NSUN6: variants seen among roughly 807,000 people sequenced by gnomAD.
NSUN6 encodes NOP2/Sun RNA methyltransferase 6.
NSUN6 carries 64 observed loss-of-function variants against 58.0 expected under a neutral mutation model. That is an observed-to-expected ratio of 1.10 (90% CI 0.90 to 1.36). The LOEUF is 1.36. Ranked by LOEUF, NSUN6 falls within the 40% of genes most tolerant of loss-of-function variation. The pLI is 0.00. For synonymous variants in NSUN6, 231 were observed against 193.9 expected (o/e 1.19, Z -1.59); for missense variants, 701 against 550.1 (o/e 1.27, Z -2.74).
At chr10:18,658,702 G>C (rs1301119093), upstream of NSUN6, 1 of 970,658 alleles carries the variant, frequency 1.0e-6, no homozygotes, top group African/African-American at 1.8e-5. Context: ...ATTCTTTTCA[G>C]AACTAAGAAT....
chr10:18,625,018 G>C (rs1387290802), intron 3 of NSUN6, among the ~76,000 whole-genome samples: 1 of 152,188 alleles, frequency 6.6e-6, no homozygotes. Context: ...CCAAGCCTCT[G>C]ATGAGCTTTT....
chr10:18,560,042 A>C (rs896900681), intron 8 of NSUN6, among the ~76,000 whole-genome samples: 1 of 150,490 alleles, frequency 6.6e-6, no homozygotes, highest in African/African-American at 2.4e-5. Context: ...TTGAGCTGGA[A>C]TGGAGAATGG....
At chr10:18,595,419 T>G (rs1346075850) in intron 7 of NSUN6, among the ~76,000 whole-genome samples, 1 of 152,260 alleles carries the variant, frequency 6.6e-6, no homozygotes, top group African/African-American at 2.4e-5. Flanking sequence ...GAATTAACAC[T>G]TTCTCAAAGC....
intron 8 of NSUN6, among the ~76,000 whole-genome samples, chr10:18,557,811 GA>G (rs1177222790): frequency 1.3e-5 from 2 of 151,358 alleles, no homozygotes; most frequent in African/African-American, 4.9e-5. Flanking sequence ...GAATGGAATG[GA>G]AAATGGTATG....
chr10:18,643,465 T>C (rs1190187037), intron 2 of NSUN6, among the ~76,000 whole-genome samples: 1 of 152,124 alleles, frequency 6.6e-6, no homozygotes, highest in African/African-American at 2.4e-5. Flanking sequence ...ACAGGATTCA[T>C]ACACTATCTA....
chr10:18,651,107 C>T, intron 1 of NSUN6, 22 bp downstream of exon 1: 2 of 1,571,552 alleles, frequency 1.3e-6, no homozygotes, highest in Non-Finnish European at 1.7e-6. Flanking sequence ...AAAATATCAA[C>T]TAACATCTTT....
chr10:18,633,157 CA>C (rs1208191051), intron 3 of NSUN6, among the ~76,000 whole-genome samples: 1 of 150,808 alleles, frequency 6.6e-6, no homozygotes, highest in Non-Finnish European at 1.5e-5. Flanking sequence ...ATGGCAAGAA[CA>C]AAAAACCAAA....
upstream of NSUN6, chr10:18,651,660 G>T (rs531370490): frequency 4.1e-6 from 4 of 985,974 alleles, no homozygotes; most frequent in South Asian, 1.9e-4. Context: ...GGCGCCTGCG[G>T]CCCACCCCTC....
chr10:18,616,105 A>G, intron 4 of NSUN6, 79 bp downstream of exon 4: 1 of 865,574 alleles, frequency 1.2e-6, no homozygotes, highest in Non-Finnish European at 1.9e-6. Context: ...TATCTTAGTG[A>G]CAAATCAATA....
intron 8 of NSUN6, among the ~76,000 whole-genome samples, chr10:18,568,554 TCTC>T (rs1267103652): frequency 6.7e-6 from 1 of 149,784 alleles, no homozygotes; most frequent in Non-Finnish European, 1.5e-5. Context: ...TCCAATCCAT[TCTC>T]CTTTCCATTC....
chr10:18,651,969 G>T, upstream of NSUN6: 1 of 985,426 alleles, frequency 1.0e-6, no homozygotes, highest in Non-Finnish European at 1.2e-6. Context: ...GATGAGGCCA[G>T]AATTTGGGCG....
intron 5 of NSUN6, among the ~76,000 whole-genome samples, chr10:18,612,953 T>A (rs905402719): frequency 2.0e-5 from 3 of 152,182 alleles, no homozygotes; most frequent in Non-Finnish European, 4.4e-5. Context: ...AATTGTACCA[T>A]TAGTTGTGTT....
At chr10:18,556,312 G>GGAGAATGGAACGGAATA (rs1554850415) in intron 8 of NSUN6, among the ~76,000 whole-genome samples, 1 of 149,826 alleles carries the variant, frequency 6.7e-6, no homozygotes, top group African/African-American at 2.5e-5. Flanking sequence ...GGAATGCAAT[G>GGAGAATGGAACGGAATA]GAGAATGGAA....
At chr10:18,585,760 T>G (rs2057103431) in intron 8 of NSUN6, among the ~76,000 whole-genome samples, 189 bp downstream of exon 8, 1 of 150,986 alleles carries the variant, frequency 6.6e-6, no homozygotes, top group African/African-American at 2.4e-5. Flanking sequence ...TAATGTATTT[T>G]GTGTTTCAAA....
At chr10:18,639,031 G>C (rs1367519500) in intron 3 of NSUN6, among the ~76,000 whole-genome samples, 1 of 150,506 alleles carries the variant, frequency 6.6e-6, no homozygotes, top group Admixed American at 6.6e-5. Flanking sequence ...GAGGAGAGTA[G>C]ATCACTTGAG....
At chr10:18,603,113 C>A (rs955943977) in intron 6 of NSUN6, among the ~76,000 whole-genome samples, 9 of 152,068 alleles carry the variant, frequency 5.9e-5, no homozygotes, top group African/African-American at 2.2e-4. Flanking sequence ...GCCAACATGG[C>A]AAAACCCTGT....
At chr10:18,634,871 G>A (rs936243082) in intron 3 of NSUN6, among the ~76,000 whole-genome samples, 1 of 152,156 alleles carries the variant, frequency 6.6e-6, no homozygotes, top group Non-Finnish European at 1.5e-5. Flanking sequence ...GTAACAGGCT[G>A]GAGACTGCGG....
chr10:18,634,967 A>T (rs1423394385), intron 3 of NSUN6, among the ~76,000 whole-genome samples: 1 of 152,218 alleles, frequency 6.6e-6, no homozygotes, highest in Non-Finnish European at 1.5e-5. Context: ...CAACGGTGAC[A>T]TAAAACCTTC....
At chr10:18,574,199 A>C (rs2056535822) in intron 8 of NSUN6, among the ~76,000 whole-genome samples, 1 of 152,096 alleles carries the variant, frequency 6.6e-6, no homozygotes, top group South Asian at 2.1e-4. Flanking sequence ...CATCCAGTCC[A>C]ACACGGCTAC....
Sources: gnomAD v4.1 joint callset for allele counts (sites outside exome capture counted in the v4.1 genomes callset) on GRCh38, gnomAD v4.1.1 for gene constraint, MANE v1.5 for transcripts, NCBI Gene and HGNC (gene_info 2026-07-23, HGNC 2026-07-21) for gene names.